NETO1: variants seen among roughly 807,000 people sequenced by gnomAD.
NETO1 encodes the protein neuropilin and tolloid-like protein 1.
NETO1 carries 26 observed loss-of-function variants against 61.3 expected under a neutral mutation model. The observed-to-expected ratio is 0.42, with a 90% CI of 0.31 to 0.59. NETO1 has a LOEUF of 0.59. Ranked by LOEUF, NETO1 falls within the 20% of genes least tolerant of loss-of-function variation. The pLI is 0.12. For missense variants in NETO1, 531 were observed against 662.8 expected, an observed-to-expected ratio of 0.80 and a Z score of 2.18; for synonymous variants, 225 against 225.8, an observed-to-expected ratio of 1.00 and a Z score of 0.03.
At chr18:72,792,606 G>T (rs1431450885) in intron 6 of NETO1, among the ~76,000 whole-genome samples, 3 of 151,320 alleles carry the variant, frequency 2.0e-5, no homozygotes, top group African/African-American at 7.3e-5. Context: ...TCTGCTTGCA[G>T]TGTTGACTCC....
At chr18:72,861,561 C>T (rs1307979155) in intron 3 of NETO1, among the ~76,000 whole-genome samples, 3 of 152,176 alleles carry the variant, frequency 2.0e-5, no homozygotes, top group Non-Finnish European at 4.4e-5. Context: ...TCTTCAGACG[C>T]ACTGAGAACT....
chr18:72,842,150 T>TGCCCCC (rs1184906607), intron 4 of NETO1, among the ~76,000 whole-genome samples: 3 of 152,180 alleles, frequency 2.0e-5, no homozygotes, highest in Non-Finnish European at 4.4e-5. Context: ...AAATGCAGAG[T>TGCCCCC]AGTGCCTGTG....
chr18:72,845,466 ATAT>A (rs1424637867), intron 4 of NETO1, among the ~76,000 whole-genome samples: 1 of 152,240 alleles, frequency 6.6e-6, no homozygotes, highest in Non-Finnish European at 1.5e-5. Context: ...GTAATATTTA[ATAT>A]TATATGAAAC....
chr18:72,764,229 A>G (rs1289122281), intron 7 of NETO1, among the ~76,000 whole-genome samples: 1 of 152,120 alleles, frequency 6.6e-6, no homozygotes, highest in Non-Finnish European at 1.5e-5. Flanking sequence ...TATTTACTAA[A>G]GCTTACTTTT....
chr18:72,839,027 T>A (rs1182295147), intron 4 of NETO1, among the ~76,000 whole-genome samples: 2 of 152,224 alleles, frequency 1.3e-5, no homozygotes. Flanking sequence ...CCCGTTGTTA[T>A]TATTATTTTC....
chr18:72,753,443 T>C lies in NETO1; in HGVS notation c.982+2591A>G, dbSNP rs191699606. 9.4e-4 allele frequency among the ~76,000 whole-genome samples: 143 copies of C among 152,252 alleles called. 1 individual carries two copies. Among genetic ancestry groups the C allele is most frequent in the Middle Eastern group, 3.4e-3 (1 of 294 alleles). On this transcript the variant is annotated intron_variant, in intron 8 of 10. Coordinates refer to ENST00000327305, the MANE Select transcript of NETO1 (RefSeq NM_138966.5). ...CAGATACCTGTCAACCAAAAACCCA[T>C]TATCCAGCAAACCTGCCTTCACAAA...
At chr18:72,835,312 C>A (rs1025080203) in intron 4 of NETO1, 2 of 1,595,896 alleles carry the variant, frequency 1.3e-6, no homozygotes, top group Non-Finnish European at 1.7e-6. Context: ...AGGAGTTTGC[C>A]TTTTATTCTG....
At chr18:72,859,641 C>T (rs1161330307) in intron 3 of NETO1, among the ~76,000 whole-genome samples, 1 of 152,188 alleles carries the variant, frequency 6.6e-6, no homozygotes, top group African/African-American at 2.4e-5. Flanking sequence ...ATTCAACACA[C>T]ATTATCCGTT....
At chr18:72,851,056 C>T (rs559867705) in intron 4 of NETO1, among the ~76,000 whole-genome samples, 9 of 152,094 alleles carry the variant, frequency 5.9e-5, no homozygotes, top group Non-Finnish European at 7.4e-5. Context: ...GGGAGGTGAG[C>T]GAAAGGAACC....
intron 4 of NETO1, among the ~76,000 whole-genome samples, chr18:72,822,087 A>G (rs765746985): frequency 1.3e-5 from 2 of 152,174 alleles, no homozygotes; most frequent in Admixed American, 6.5e-5. Flanking sequence ...GGGACTCGAG[A>G]TAACCATGGA....
chr18:72,785,281 A>T (rs1054462044), intron 6 of NETO1, among the ~76,000 whole-genome samples: 4 of 152,096 alleles, frequency 2.6e-5, no homozygotes, highest in Non-Finnish European at 5.9e-5. Context: ...AAATATTATA[A>T]TCTCACTATT....
chr18:72,847,741 C>A (rs548350204), intron 4 of NETO1, among the ~76,000 whole-genome samples: 35 of 152,262 alleles, frequency 2.3e-4, no homozygotes, highest in Middle Eastern at 3.4e-3. Context: ...GCATTTGGAA[C>A]GAAGGTATTT....
At chr18:72,808,953 G>A (rs2072773683) in intron 4 of NETO1, among the ~76,000 whole-genome samples, 2 of 152,232 alleles carry the variant, frequency 1.3e-5, no homozygotes. Flanking sequence ...GCATGCATGA[G>A]GCACCTCTTG....
At chr18:72,777,323 C>A (rs1365930967) in intron 7 of NETO1, among the ~76,000 whole-genome samples, 1 of 151,114 alleles carries the variant, frequency 6.6e-6, no homozygotes, top group Non-Finnish European at 1.5e-5. Flanking sequence ...GAGGCTGAGG[C>A]AGGAGAATAG....
intron 4 of NETO1, among the ~76,000 whole-genome samples, chr18:72,796,801 A>T (rs965016396): frequency 6.6e-6 from 1 of 151,202 alleles, no homozygotes; most frequent in African/African-American, 2.4e-5. Flanking sequence ...GAAAAAAAGG[A>T]AAAAAAAACT....
chr18:72,860,553 A>T (rs1335211085), intron 3 of NETO1, among the ~76,000 whole-genome samples: 1 of 152,216 alleles, frequency 6.6e-6, no homozygotes, highest in African/African-American at 2.4e-5. Context: ...CATTTTTAAA[A>T]TGAATTATTT....
At chr18:72,806,256 T>C (rs1396435881) in intron 4 of NETO1, among the ~76,000 whole-genome samples, 1 of 152,166 alleles carries the variant, frequency 6.6e-6, no homozygotes, top group African/African-American at 2.4e-5. Context: ...GGATTGGGTG[T>C]GGGAAGTGAA....
intron 4 of NETO1, among the ~76,000 whole-genome samples, chr18:72,808,083 T>C (rs1031454195): frequency 1.3e-5 from 2 of 152,210 alleles, no homozygotes; most frequent in African/African-American, 2.4e-5. Flanking sequence ...ATTATTATCC[T>C]CTTTTCTCAA....
At chr18:72,763,071 GTTTT>G (rs1286141705) in intron 7 of NETO1, among the ~76,000 whole-genome samples, 1 of 150,712 alleles carries the variant, frequency 6.6e-6, no homozygotes, top group East Asian at 1.9e-4. Flanking sequence ...TAACTTAAAG[GTTTT>G]TAATTTATAA....
Sources: gnomAD v4.1 joint callset for allele counts (sites outside exome capture counted in the v4.1 genomes callset) on GRCh38, gnomAD v4.1.1 for gene constraint, MANE v1.5 for transcripts, NCBI Gene and HGNC (gene_info 2026-07-23, HGNC 2026-07-21) for gene names.